The following WWP1 variants were observed in gnomAD, a reference collection of about 807,000 sequenced individuals.
WWP1 encodes the protein NEDD4-like E3 ubiquitin-protein ligase WWP1.
WWP1 carries 49 observed loss-of-function variants against 130.6 expected under a neutral mutation model. That is an observed-to-expected ratio of 0.38 (90% CI 0.30 to 0.48). WWP1 has a LOEUF of 0.48. WWP1 is among the 20% of genes least tolerant of loss of function. The pLI is 0.99. For missense variants in WWP1, 809 were observed against 1,100.6 expected (o/e 0.74, Z 3.75); for synonymous variants, 332 against 367.8 (o/e 0.90, Z 1.11).
intron 9 of WWP1, among the ~76,000 whole-genome samples, chr8:86,422,322 T>TG (rs775975643): frequency 0.4 from 28,277 of 69,998 alleles, 4,396 homozygotes; most frequent in African/African-American, 0.55. Flanking sequence ...CCAGTTTGTA[T>TG]TTATTTATTT....
At chr8:86,439,815 T>C (rs2130714259) in intron 17 of WWP1, among the ~76,000 whole-genome samples, 1 of 152,342 alleles carries the variant, frequency 6.6e-6, no homozygotes, top group African/African-American at 2.4e-5. Context: ...TTTGATTAAA[T>C]CTTTCTAAAG....
At chr8:86,361,810 G>T (rs891425074) in intron 1 of WWP1, among the ~76,000 whole-genome samples, 4 of 151,728 alleles carry the variant, frequency 2.6e-5, no homozygotes, top group Non-Finnish European at 5.9e-5. Flanking sequence ...TTCTTCTGTA[G>T]TTACTGTCTG....
At chr8:86,443,109 G>T (rs1014808853) in intron 18 of WWP1, among the ~76,000 whole-genome samples, 1 of 152,124 alleles carries the variant, frequency 6.6e-6, no homozygotes, top group African/African-American at 2.4e-5. Context: ...ATCACAGTCT[G>T]TTGCCCAGGC....
At chr8:86,353,370 T>C (rs1823058260) in intron 1 of WWP1, among the ~76,000 whole-genome samples, 1 of 152,142 alleles carries the variant, frequency 6.6e-6, no homozygotes, top group Non-Finnish European at 1.5e-5. Context: ...AAAATATGGT[T>C]GAAATAAACA....
Position 86,402,001 on chromosome 8 carries a change from A to G in WWP1, c.540-18A>G. ...GAATTATACTTAAATGATTGAAATA[A>G]GGCATTTTTTTTTCAAGGTTGGCTG... On this transcript the variant is annotated intron_variant, in intron 7 of 24. Transcript: ENST00000517970. 1 of 1,544,798 alleles carries G rather than the reference A, an allele frequency of 6.5e-7. No homozygotes were observed. Among genetic ancestry groups the G allele is most frequent in the Non-Finnish European group, 8.8e-7 (1 of 1,142,096 alleles).
At chr8:86,343,806 C>G (rs913427785) in intron 1 of WWP1, among the ~76,000 whole-genome samples, 6 of 151,752 alleles carry the variant, frequency 4.0e-5, no homozygotes, top group East Asian at 1.9e-4. Context: ...AAATTTTTTT[C>G]TGTGTGTGTG....
chr8:86,356,736 G>A (rs2130158541), intron 1 of WWP1, among the ~76,000 whole-genome samples: 1 of 152,250 alleles, frequency 6.6e-6, no homozygotes, highest in South Asian at 2.1e-4. Flanking sequence ...ATGTTTTCTA[G>A]TAAACATAGT....
At chr8:86,394,380 CCT>C (rs1484699131) in intron 5 of WWP1, among the ~76,000 whole-genome samples, 1 of 152,204 alleles carries the variant, frequency 6.6e-6, no homozygotes, top group Non-Finnish European at 1.5e-5. Flanking sequence ...GACAGGACTA[CCT>C]TAATCACTTA....
At chr8:86,348,071 T>A (rs1822690678) in intron 1 of WWP1, among the ~76,000 whole-genome samples, 1 of 152,170 alleles carries the variant, frequency 6.6e-6, no homozygotes, top group Non-Finnish European at 1.5e-5. Context: ...CCTTAGTGGA[T>A]GCTTCAATTC....
rs1824942105 is a variant in WWP1 at position 86,380,827 on chromosome 8, A to G, written c.172A>G (p.Ser58Gly). The change falls in exon 4 of 25, where the codon AGT becomes GGT. Residue 58 changes from serine (S) to glycine (G), a missense_variant. By Grantham distance (56) the Ser-to-Gly change is moderately conservative. Around this residue, in one of 3 missense-constraint regions of WWP1, gnomAD observed 262 missense variants for 346.0 expected, o/e 0.76. Transcript: ENST00000517970. ...GEITKTAKSS[S>G]SSNPKWDEQL... ...AATTACGAAAACAGCAAAATCCAGT[A>G]GTTCTTCTAATCCAAAATGGGATGA... 2 of 1,613,012 alleles carry G rather than the reference A, an allele frequency of 1.2e-6. No individual in the cohort carries two copies.
intron 3 of WWP1, among the ~76,000 whole-genome samples, chr8:86,374,518 GA>G (rs1336030901): frequency 6.6e-6 from 1 of 152,020 alleles, no homozygotes; most frequent in African/African-American, 2.4e-5. Flanking sequence ...CTCATTATAT[GA>G]ATTTAGTTAT....
chr8:86,381,682 T>G, intron 5 of WWP1, 53 bp downstream of exon 5: 1 of 1,479,246 alleles, frequency 6.8e-7, no homozygotes, highest in Non-Finnish European at 9.0e-7. Context: ...TTAGACACTT[T>G]GAACATATCC....
chr8:86,427,817 G>A lies in WWP1; in HGVS notation c.1332G>A (p.Ser444=), dbSNP rs1809716224. ...AGTTTAACCAACGATACCTCTATTC[G>A]GTAATTAGCAAATTGTAAGATGTTA... The part of the protein sequence containing the change: ...MQQFNQRYLY[S]ASMLAAENDP... Residue 444 remains serine, a splice_region_variant and synonymous_variant, in exon 11 of 25, where the codon TCG becomes TCA. Coordinates refer to ENST00000517970, the MANE Select transcript of WWP1 (RefSeq NM_007013.4). 3 of 1,597,390 alleles carry A rather than the reference G, an allele frequency of 1.9e-6. No individual in the cohort carries two copies. The highest frequency in any genetic ancestry group is 8.5e-7 in the Non-Finnish European group (1 of 1,170,992).
intron 5 of WWP1, among the ~76,000 whole-genome samples, chr8:86,396,379 G>A (rs1057226359): frequency 2.0e-5 from 3 of 152,114 alleles, no homozygotes; most frequent in Admixed American, 6.5e-5. Context: ...GATTACAGGC[G>A]TGAGCCACTG....
intron 9 of WWP1, among the ~76,000 whole-genome samples, chr8:86,414,513 G>C (rs774328157): frequency 1.3e-5 from 2 of 152,162 alleles, no homozygotes; most frequent in Non-Finnish European, 2.9e-5. Context: ...CACAGCACCA[G>C]GCTGTGTAAC....
intron 3 of WWP1, among the ~76,000 whole-genome samples, chr8:86,380,244 A>G (rs575780834): frequency 1.1e-4 from 16 of 152,196 alleles, no homozygotes; most frequent in Non-Finnish European, 2.2e-4. Flanking sequence ...GAAAGAAGCC[A>G]GTCACAAAAA....
chr8:86,351,666 C>G (rs996110532), intron 1 of WWP1, among the ~76,000 whole-genome samples: 1 of 151,988 alleles, frequency 6.6e-6, no homozygotes, highest in Non-Finnish European at 1.5e-5. Flanking sequence ...AGGGTAAGCA[C>G]GAAATCTGGG....
At chr8:86,407,327 A>C (rs1808337349) in intron 8 of WWP1, among the ~76,000 whole-genome samples, 1 of 152,134 alleles carries the variant, frequency 6.6e-6, no homozygotes, top group Non-Finnish European at 1.5e-5. Context: ...CAACTACCAT[A>C]GGCTGCACAC....
chr8:86,452,435 A>T (rs930204965), intron 20 of WWP1, 124 bp from the exon 21 acceptor site: 1 of 823,190 alleles, frequency 1.2e-6, no homozygotes, highest in African/African-American at 1.7e-5. Context: ...CACACATCAC[A>T]TTTATATGTT....
Sources: allele counts gnomAD v4.1 joint callset (sites outside exome capture counted in the v4.1 genomes callset), GRCh38; gene constraint gnomAD v4.1.1; regional missense constraint gnomAD v4.1.1; transcripts MANE v1.5; gene names NCBI Gene and HGNC (gene_info 2026-07-23, HGNC 2026-07-21).